The following NXPH1 variants were observed in gnomAD, a reference collection of about 807,000 sequenced individuals.
NXPH1 encodes the protein neurexophilin-1.
NXPH1 carries 5 observed loss-of-function variants against 23.7 expected under a neutral mutation model. That is an observed-to-expected ratio of 0.21 (90% confidence interval 0.11 to 0.44). NXPH1 has a LOEUF of 0.44. NXPH1 is among the 20% of genes least tolerant of loss of function. NXPH1 has a pLI of 0.99. For missense variants in NXPH1, 324 were observed against 321.6 expected (o/e 1.01, Z -0.06); for synonymous variants, 144 against 122.2 (o/e 1.18, Z -1.18).
intron 2 of NXPH1, among the ~76,000 whole-genome samples, chr7:8,620,570 C>G (rs924747200): frequency 2.6e-5 from 4 of 152,184 alleles, no homozygotes; most frequent in Non-Finnish European, 5.9e-5. Flanking sequence ...CTGCTGCCAC[C>G]AGCCTGACTC....
chr7:8,489,348 A>G (rs1216243954), intron 2 of NXPH1, among the ~76,000 whole-genome samples: 1 of 152,060 alleles, frequency 6.6e-6, no homozygotes, highest in Non-Finnish European at 1.5e-5. Flanking sequence ...CAGTTCCAGA[A>G]AATTCTGGTG....
intron 2 of NXPH1, among the ~76,000 whole-genome samples, chr7:8,706,860 T>C (rs890692260): frequency 6.6e-6 from 1 of 152,142 alleles, no homozygotes; most frequent in Non-Finnish European, 1.5e-5. Flanking sequence ...ATTAGACAGA[T>C]TTGTTTTCAT....
In NXPH1 at chr7:8,433,810, G is replaced by GCC. The variant is rs2128603073; in HGVS notation, c.-1051_-1050dup. The GCC allele has an allele frequency of 6.6e-6, 1 of 152,296 alleles. No homozygotes were observed. Among genetic ancestry groups the GCC allele is most frequent in the East Asian group, 1.9e-4 (1 of 5,170 alleles). The allele number at this position is 152,296 out of a possible 1,614,324, so 9.4% of individuals were successfully genotyped here. ...CCCTGGGCTTTGCGATCTTCCCTAC[G>GCC]CCCCCCGGGAAGGGGGCGCTGCGGC... is the stretch of plus-strand genomic sequence containing the variant. On this transcript the variant is annotated 5_prime_UTR_variant, in exon 1 of 3. The change creates a premature stop within an existing upstream ORF in the 5' untranslated region. Coordinates refer to ENST00000405863, the MANE Select transcript of NXPH1 (RefSeq NM_152745.3). This position sits in a 1 kb window ranked among gnomAD's most constrained non-coding sequence, Gnocchi z 6.8.
chr7:8,715,880 G>C (rs1473001308), intron 2 of NXPH1, among the ~76,000 whole-genome samples: 2 of 152,084 alleles, frequency 1.3e-5, no homozygotes, highest in Admixed American at 1.3e-4. Flanking sequence ...TGAAATCTTA[G>C]TGCTGGACAC....
chr7:8,473,112 T>C (rs1816896040), intron 2 of NXPH1, among the ~76,000 whole-genome samples: 1 of 152,172 alleles, frequency 6.6e-6, no homozygotes, highest in South Asian at 2.1e-4. Context: ...GCATAACTGA[T>C]GGTCTTTTAA....
intron 2 of NXPH1, among the ~76,000 whole-genome samples, chr7:8,627,550 A>C (rs571667571): frequency 3.9e-5 from 6 of 152,272 alleles, no homozygotes; most frequent in African/African-American, 1.4e-4. Flanking sequence ...TAGTAGGCAG[A>C]ATGCCAAGGG....
chr7:8,574,546 C>A (rs1818715064), intron 2 of NXPH1, among the ~76,000 whole-genome samples: 1 of 152,002 alleles, frequency 6.6e-6, no homozygotes, highest in Non-Finnish European at 1.5e-5. Flanking sequence ...GAGTGCATAC[C>A]CACAAAAAGG....
At chr7:8,456,627 A>G (rs541669886) in intron 2 of NXPH1, among the ~76,000 whole-genome samples, 2 of 151,918 alleles carry the variant, frequency 1.3e-5, no homozygotes, top group East Asian at 3.9e-4. Flanking sequence ...TGAAAACGTA[A>G]CTTTTTTTTT....
At chr7:8,739,764 C>A (rs1392314936) in intron 2 of NXPH1, among the ~76,000 whole-genome samples, 1 of 152,030 alleles carries the variant, frequency 6.6e-6, no homozygotes, top group African/African-American at 2.4e-5. Flanking sequence ...TATTTTCTTT[C>A]TTTCCATCCT....
intron 2 of NXPH1, among the ~76,000 whole-genome samples, chr7:8,687,506 A>T (rs1041043735): frequency 6.6e-6 from 1 of 152,190 alleles, no homozygotes; most frequent in Non-Finnish European, 1.5e-5. Context: ...TTTTCTAATC[A>T]TAGAAACATG....
At chr7:8,670,561 C>CTCCT (rs113295367) in intron 2 of NXPH1, among the ~76,000 whole-genome samples, 5,613 of 152,256 alleles carry the variant, frequency 0.037, 231 homozygotes, top group African/African-American at 0.1. Flanking sequence ...TGTCCCCTCC[C>CTCCT]TTCCTTTCCA....
intron 2 of NXPH1, among the ~76,000 whole-genome samples, chr7:8,488,090 A>G (rs10262072): frequency 6.6e-6 from 1 of 151,940 alleles, no homozygotes; most frequent in Non-Finnish European, 1.5e-5. Flanking sequence ...TTTGTCTTCC[A>G]TAGTTCTTGC....
chr7:8,662,144 A>G (rs1281964379), intron 2 of NXPH1, among the ~76,000 whole-genome samples: 1 of 150,988 alleles, frequency 6.6e-6, no homozygotes, highest in Admixed American at 6.6e-5. Flanking sequence ...ATTATTGCAT[A>G]TATTTTTGAG....
At chr7:8,669,110 G>C (rs1014698745) in intron 2 of NXPH1, among the ~76,000 whole-genome samples, 1 of 152,250 alleles carries the variant, frequency 6.6e-6, no homozygotes, top group Non-Finnish European at 1.5e-5. Flanking sequence ...GTGATTTACT[G>C]TGATGGGTCT....
intron 2 of NXPH1, among the ~76,000 whole-genome samples, chr7:8,504,705 G>T (rs1817493628): frequency 1.3e-5 from 2 of 151,980 alleles, no homozygotes; most frequent in Admixed American, 1.3e-4. Context: ...AGGATTTGGG[G>T]TATTTGGGGT....
intron 2 of NXPH1, among the ~76,000 whole-genome samples, chr7:8,607,041 G>T (rs1171493063): frequency 1.3e-5 from 2 of 151,712 alleles, no homozygotes; most frequent in Non-Finnish European, 2.9e-5. Flanking sequence ...TTTTAGTTGG[G>T]GCTTTAATTC....
chr7:8,603,223 A>G (rs1303404305), intron 2 of NXPH1, among the ~76,000 whole-genome samples: 3 of 152,170 alleles, frequency 2.0e-5, no homozygotes, highest in African/African-American at 7.2e-5. Context: ...TACATGGGCT[A>G]TGTCCAAATT....
Position 8,435,767 on chromosome 7 carries a change from G to T in NXPH1, c.54G>T (p.Leu18Phe). Reference sequence around the variant, plus strand: ...TCCTCCTGCAGCCCACCGTCTACTTGGTAAGTCTTGGAAGGTTCGGGGCTT... The same window carrying T: ...TCCTCCTGCAGCCCACCGTCTACTTTGTAAGTCTTGGAAGGTTCGGGGCTT... ...VLFLLQPTVY[L>F]VTCANLTNGG... The change falls in exon 2 of 3, where the codon TTG becomes TTT. Residue 18 changes from leucine (L) to phenylalanine (F), a missense_variant and splice_region_variant. Physicochemically the swap from Leu to Phe is conservative, Grantham distance 22. Coordinates refer to ENST00000405863, the MANE Select transcript of NXPH1 (RefSeq NM_152745.3). The surrounding 1 kb of genome is among the most constrained non-coding windows in gnomAD (Gnocchi z 5.9). 3 of 1,613,896 alleles carry T rather than the reference G, an allele frequency of 1.9e-6. No individual in the cohort carries two copies. Among genetic ancestry groups the T allele is most frequent in the Non-Finnish European group, 2.5e-6 (3 of 1,179,836 alleles).
At chr7:8,460,493 C>G (rs1816674219) in intron 2 of NXPH1, among the ~76,000 whole-genome samples, 1 of 152,204 alleles carries the variant, frequency 6.6e-6, no homozygotes, top group South Asian at 2.1e-4. Context: ...TTGCATGGCA[C>G]TCTCCTTAGG....
Sources: gnomAD v4.1 joint callset for allele counts (sites outside exome capture counted in the v4.1 genomes callset) on GRCh38, gnomAD v4.1.1 for gene constraint, Gnocchi (gnomAD v3.1) non-coding constraint, MANE v1.5 for transcripts, NCBI Gene and HGNC (gene_info 2026-07-23, HGNC 2026-07-21) for gene names.